Variants in MED13 observed in about 807,000 individuals in gnomAD.
MED13 encodes mediator of RNA polymerase II transcription subunit 13.
Under a neutral mutation model 225.2 loss-of-function variants are expected in MED13, and 23 were observed. The observed-to-expected ratio is 0.10, with a 90% CI of 0.07 to 0.14. The LOEUF (loss-of-function observed/expected upper bound fraction) is 0.14. MED13 is among the 10% of genes least tolerant of loss of function. MED13 has a pLI of 1.00. For missense variants in MED13, 2,197 were observed against 2,594.5 expected, an observed-to-expected ratio of 0.85 and a Z score of 3.33; for synonymous variants, 942 against 889.2, an observed-to-expected ratio of 1.06 and a Z score of -1.06.
chr17:61,951,397 C>G (rs2079895304), intron 27 of MED13, among the ~76,000 whole-genome samples: 1 of 152,270 alleles, frequency 6.6e-6, no homozygotes, highest in African/African-American at 2.4e-5. Flanking sequence ...TAATCTAGCA[C>G]TATCTATAAA....
intron 16 of MED13, among the ~76,000 whole-genome samples, chr17:61,975,678 C>G (rs2080149064): frequency 6.6e-6 from 1 of 151,952 alleles, no homozygotes; most frequent in African/African-American, 2.4e-5. Flanking sequence ...AAGATCGTAC[C>G]CCACTGCACT....
At chr17:62,053,021 AAAAT>A (rs1313763724) in intron 2 of MED13, among the ~76,000 whole-genome samples, 1 of 152,218 alleles carries the variant, frequency 6.6e-6, no homozygotes, top group Non-Finnish European at 1.5e-5. Context: ...TATAACCTGG[AAAAT>A]ATTAAACACA....
rs747913557 is a variant in MED13 at position 61,965,427 on chromosome 17, A to G, written c.4423T>C (p.Ser1475Pro). 8.1e-6 allele frequency: 13 copies of G among 1,614,066 alleles called. No individual in the cohort carries two copies. In the African/African-American group the frequency reaches 1.6e-4, roughly 20 times the overall value. Residue 1475 changes from serine (S) to proline (P), a missense_variant, in exon 20 of 30, where the codon TCC (serine) becomes CCC (proline). Ser to Pro is a moderately conservative substitution (Grantham distance 74). Transcript: ENST00000397786. Reference protein sequence around the residue: ...ASLPLDSSLLSQPNLVAPTSQ... With the variant: ...ASLPLDSSLLPQPNLVAPTSQ... ...GTAGGGGCAACTAAATTTGGCTGGG[A>G]AAGTAGAGAGCTGTCCAATGGCAGG...
intron 3 of MED13, among the ~76,000 whole-genome samples, chr17:62,042,704 A>G (rs1192431062): frequency 6.6e-6 from 1 of 151,766 alleles, no homozygotes; most frequent in Non-Finnish European, 1.5e-5. Flanking sequence ...CCTGTAACTT[A>G]AAAAAAATAC....
chr17:62,013,772 G>T (rs781590619), intron 8 of MED13, among the ~76,000 whole-genome samples: 3 of 152,310 alleles, frequency 2.0e-5, no homozygotes, highest in Non-Finnish European at 4.4e-5. Context: ...CAGATGCAGT[G>T]GCTCACACCT....
Position 61,945,199 on chromosome 17 carries a change from A to G in MED13, c.*1269T>C, listed in dbSNP as rs1047842600. On this transcript the variant is annotated 3_prime_UTR_variant, in exon 30 of 30. Coordinates refer to ENST00000397786, the MANE Select transcript of MED13 (RefSeq NM_005121.3). ...GAATACCAGAATTCACTGAGAATCT[A>G]TTTACACCACAGTTTGATTGCGCGC... 4 of 152,104 alleles carry G rather than the reference A, an allele frequency of 2.6e-5. No individual in the cohort carries two copies. Among genetic ancestry groups the G allele is most frequent in the African/African-American group, 9.7e-5 (4 of 41,406 alleles). The allele number at this position is 152,104 out of a possible 1,614,324, so 9.4% of individuals were successfully genotyped here. A position where few individuals can be genotyped will look rare whatever the true frequency, so the allele number is the denominator to read the frequency against.
chr17:62,016,397 C>T (rs1435237602), intron 8 of MED13, among the ~76,000 whole-genome samples: 1 of 152,092 alleles, frequency 6.6e-6, no homozygotes, highest in African/African-American at 2.4e-5. Flanking sequence ...TAAGGAGATG[C>T]ATCCCCCTCA....
At chr17:62,052,508 A>T in intron 3 of MED13, 29 bp downstream of exon 3, 8 of 1,486,752 alleles carry the variant, frequency 5.4e-6, no homozygotes, top group Non-Finnish European at 7.3e-6. Flanking sequence ...ATCTAAAGAA[A>T]TATCACGTCA....
rs750568825 is a variant in MED13, at chr17:62,013,503, G to T, written c.1284-2270C>A. Among the ~76,000 whole-genome samples the T allele has an allele frequency of 2.6e-5, 4 of 151,964 alleles. No homozygotes were observed. In the South Asian group the frequency reaches 8.3e-4, roughly 32 times the overall value. ...ATTCAACCCCTATTTATATACACTC[G>T]GCAAGCAAGGAATAAAAGAAAATTT... On this transcript the variant is annotated intron_variant, in intron 8 of 29. Transcript: ENST00000397786.
chr17:62,029,822 T>C, intron 7 of MED13, 29 bp downstream of exon 7: 1 of 1,566,284 alleles, frequency 6.4e-7, no homozygotes, highest in Non-Finnish European at 8.6e-7. Context: ...CAACATGCAA[T>C]TTTTGAACTT....
chr17:61,974,749 C>A (rs2080139059), intron 16 of MED13, among the ~76,000 whole-genome samples: 1 of 151,978 alleles, frequency 6.6e-6, no homozygotes, highest in Admixed American at 6.6e-5. Flanking sequence ...GAAGTCAGAA[C>A]CCTTCCATAT....
At chr17:62,024,066 A>G (rs537017922) in intron 8 of MED13, among the ~76,000 whole-genome samples, 6 of 151,634 alleles carry the variant, frequency 4.0e-5, no homozygotes, top group African/African-American at 1.5e-4. Context: ...CACCAACACC[A>G]AAGTGCAGTA....
intron 27 of MED13, 131 bp from the exon 28 acceptor site, chr17:61,951,129 T>C: frequency 1.5e-6 from 1 of 649,736 alleles, no homozygotes. Context: ...CTGAAGGATA[T>C]TGAAAAAAAA....
chr17:61,984,970 T>A, intron 13 of MED13, 30 bp downstream of exon 13: 1 of 1,607,520 alleles, frequency 6.2e-7, no homozygotes. Context: ...GTTCGCAAAT[T>A]TATCTCGAGC....
At chr17:62,039,122 C>A (rs2080830946) in intron 3 of MED13, among the ~76,000 whole-genome samples, 1 of 152,170 alleles carries the variant, frequency 6.6e-6, no homozygotes, top group Non-Finnish European at 1.5e-5. Flanking sequence ...TTATCTGCCA[C>A]TACCCTATTT....
At chr17:62,064,821 G>C (rs375946670) in intron 1 of MED13, among the ~76,000 whole-genome samples, 2 of 152,292 alleles carry the variant, frequency 1.3e-5, no homozygotes, top group South Asian at 2.1e-4. Flanking sequence ...AAGGAGAAAA[G>C]CAACAGTTAA....
chr17:61,988,972 C>G (rs2080271601), intron 11 of MED13, among the ~76,000 whole-genome samples: 1 of 151,842 alleles, frequency 6.6e-6, no homozygotes, highest in Admixed American at 6.6e-5. Context: ...TACCCCCAGT[C>G]TCTGGTAATC....
At chr17:61,950,666 G>A (rs2079889154) in intron 28 of MED13, among the ~76,000 whole-genome samples, 159 bp downstream of exon 28, 1 of 152,228 alleles carries the variant, frequency 6.6e-6, no homozygotes, top group African/African-American at 2.4e-5. Flanking sequence ...TTACAGGCGT[G>A]AGCCACCGTG....
At chr17:61,956,089 A>T (rs2079941548) in intron 24 of MED13, among the ~76,000 whole-genome samples, 1 of 152,192 alleles carries the variant, frequency 6.6e-6, no homozygotes, top group Non-Finnish European at 1.5e-5. Context: ...AGGATGAGTT[A>T]AATAACAATC....
Sources: gnomAD v4.1 joint callset for allele counts (sites outside exome capture counted in the v4.1 genomes callset) on GRCh38, gnomAD v4.1.1 for gene constraint, MANE v1.5 for transcripts, NCBI Gene and HGNC (gene_info 2026-07-23, HGNC 2026-07-21) for gene names.